PTPRD: variants seen among roughly 807,000 people sequenced by gnomAD.
The protein encoded by PTPRD is receptor-type tyrosine-protein phosphatase delta.
Under a neutral mutation model 214.5 loss-of-function variants are expected in PTPRD, and 34 were observed. The ratio of observed to expected loss-of-function variants is 0.16; its 90% confidence interval spans 0.12 to 0.21. The LOEUF (loss-of-function observed/expected upper bound fraction) is 0.21, where lower values mean the gene tolerates loss of function less well. Ranked by LOEUF, PTPRD falls within the 10% of genes least tolerant of loss-of-function variation. PTPRD has a pLI of 1.00. For synonymous variants in PTPRD, 1,128 were observed against 845.7 expected, an observed-to-expected ratio of 1.33 and a Z score of -5.79; for missense variants, 2,545 against 2,398.7, an observed-to-expected ratio of 1.06 and a Z score of -1.27.
chr9:8,720,844 T>C (rs1351204164), intron 12 of PTPRD, among the ~76,000 whole-genome samples: 1 of 152,116 alleles, frequency 6.6e-6, no homozygotes, highest in Non-Finnish European at 1.5e-5. Flanking sequence ...ACAATGAACC[T>C]GGATAACTCT....
chr9:8,438,265 A>C (rs1285942464), intron 34 of PTPRD, among the ~76,000 whole-genome samples: 1 of 152,210 alleles, frequency 6.6e-6, no homozygotes, highest in East Asian at 1.9e-4. Flanking sequence ...AAGTTAAGTA[A>C]AAAGCTACCC....
At chr9:8,520,099 C>G (rs2097858859) in intron 20 of PTPRD, among the ~76,000 whole-genome samples, 1 of 152,164 alleles carries the variant, frequency 6.6e-6, no homozygotes, top group Non-Finnish European at 1.5e-5. Flanking sequence ...ACATGTCTTT[C>G]TGAACTTTCA....
At chr9:8,686,523 A>G (rs1168922742) in intron 12 of PTPRD, among the ~76,000 whole-genome samples, 1 of 152,192 alleles carries the variant, frequency 6.6e-6, no homozygotes. Flanking sequence ...ATAATAATAT[A>G]CATTGTCACA....
At chr9:8,530,869 G>A (rs1418386903) in intron 14 of PTPRD, among the ~76,000 whole-genome samples, 1 of 152,008 alleles carries the variant, frequency 6.6e-6, no homozygotes, top group East Asian at 1.9e-4. Flanking sequence ...GGACTATTAA[G>A]GAAAAGCGTA....
chr9:10,195,098 ATTTTT>A (rs34900305), intron 3 of PTPRD, among the ~76,000 whole-genome samples: 10 of 97,916 alleles, frequency 1.0e-4, no homozygotes, highest in African/African-American at 4.0e-4. Flanking sequence ...ATACCCGGCT[ATTTTT>A]TTTTTTTTTT....
intron 32 of PTPRD, among the ~76,000 whole-genome samples, chr9:8,461,341 A>T (rs959564396): frequency 2.0e-5 from 3 of 152,136 alleles, no homozygotes; most frequent in African/African-American, 7.2e-5. Context: ...TCAATAGACA[A>T]CTGATAATAT....
At chr9:10,264,485 C>T (rs1467158967) in intron 3 of PTPRD, among the ~76,000 whole-genome samples, 2 of 152,098 alleles carry the variant, frequency 1.3e-5, no homozygotes, top group African/African-American at 2.4e-5. Context: ...ATTTGACTGC[C>T]CTGCTGGATT....
At chr9:8,747,981 T>A (rs1049565250) in intron 11 of PTPRD, among the ~76,000 whole-genome samples, 1 of 152,170 alleles carries the variant, frequency 6.6e-6, no homozygotes, top group Non-Finnish European at 1.5e-5. Context: ...GTTCTTCAAA[T>A]GGAGCCACAG....
At chr9:10,024,190 T>A (rs550808309) in intron 4 of PTPRD, among the ~76,000 whole-genome samples, 1 of 152,186 alleles carries the variant, frequency 6.6e-6, no homozygotes, top group Non-Finnish European at 1.5e-5. Context: ...AGCATTTTTA[T>A]CCTTGTTGGT....
Position 8,494,039 on chromosome 9 carries a change from C to CACAG in PTPRD, c.2350-1061_2350-1060insCTGT, listed in dbSNP as rs1554636978. 2.6e-3 allele frequency among the ~76,000 whole-genome samples: 385 copies of CACAG among 150,374 alleles called. 3 individuals are homozygous for CACAG. Among genetic ancestry groups the CACAG allele is most frequent in the Admixed American group, 5.0e-3 (75 of 15,114 alleles). On this transcript the variant is annotated intron_variant, in intron 26 of 45. Coordinates refer to ENST00000381196, the MANE Select transcript of PTPRD (RefSeq NM_002839.4). Reference sequence around the variant, plus strand: ...ACACACACACACACACACACACACACAGCAATATAAAAACCCTTTCAGATT... The same window carrying CACAG: ...ACACACACACACACACACACACACACACAGAGCAATATAAAAACCCTTTCAGATT...
chr9:9,934,653 A>T (rs1239447463), intron 5 of PTPRD, among the ~76,000 whole-genome samples: 1 of 151,052 alleles, frequency 6.6e-6, no homozygotes, highest in African/African-American at 2.5e-5. Context: ...AGGTACAAGG[A>T]GGAACTGGTA....
intron 8 of PTPRD, among the ~76,000 whole-genome samples, chr9:9,526,036 G>C (rs1330468962): frequency 3.3e-5 from 5 of 152,132 alleles, no homozygotes; most frequent in Non-Finnish European, 5.9e-5. Flanking sequence ...TCTTCAGGTA[G>C]ATACGCATAC....
intron 9 of PTPRD, among the ~76,000 whole-genome samples, chr9:9,281,124 A>G (rs921865569): frequency 6.6e-6 from 1 of 151,308 alleles, no homozygotes; most frequent in Admixed American, 6.6e-5. Context: ...GCAAACATAG[A>G]CCTAAAATTA....
intron 7 of PTPRD, among the ~76,000 whole-genome samples, chr9:9,592,526 T>G (rs2092836699): frequency 6.6e-6 from 1 of 151,912 alleles, no homozygotes; most frequent in South Asian, 2.1e-4. Flanking sequence ...AAACAGGAAA[T>G]TATTTAATTT....
At chr9:8,641,031 C>G (rs1294124827) in intron 12 of PTPRD, among the ~76,000 whole-genome samples, 2 of 148,182 alleles carry the variant, frequency 1.3e-5, no homozygotes, top group South Asian at 4.2e-4. Context: ...AATCTTTATT[C>G]TCAGAGGGAT....
In PTPRD at chr9:9,971,543, A is replaced by G. The variant is rs571712327; in HGVS notation, c.-471-32933T>C. Among the ~76,000 whole-genome samples the G allele has an allele frequency of 4.6e-5, 7 of 152,360 alleles. No homozygotes were observed. In the East Asian group the frequency reaches 1.3e-3, roughly 29 times the overall value. On this transcript the variant is annotated intron_variant, in intron 4 of 45. Transcript: ENST00000381196. ...TCTCAACTCTGAGGAATTCAGGCTT[A>G]GAAACTAATGAGTTAGATTATGGCA...
At chr9:8,943,922 C>T (rs2099048660) in intron 11 of PTPRD, among the ~76,000 whole-genome samples, 1 of 151,916 alleles carries the variant, frequency 6.6e-6, no homozygotes, top group African/African-American at 2.4e-5. Context: ...CATTAAAAAG[C>T]TTCTGCACAG....
chr9:9,413,915 G>T (rs534860683), intron 8 of PTPRD, among the ~76,000 whole-genome samples: 1 of 152,162 alleles, frequency 6.6e-6, no homozygotes, highest in African/African-American at 2.4e-5. Flanking sequence ...ACTGATACCA[G>T]TCCAATTTTG....
In PTPRD at chr9:8,451,508, G is replaced by T. The variant is rs146736270; in HGVS notation, c.3876-1671C>A. On this transcript the variant is annotated intron_variant, in intron 33 of 45. Coordinates refer to ENST00000381196, the MANE Select transcript of PTPRD (RefSeq NM_002839.4). ...AAAAGACAGGCTCATAAGACCATGC[G>T]AAAGGAGGACATGATGGCCAGTTTC... is the stretch of plus-strand genomic sequence containing the variant. Among the ~76,000 whole-genome samples, 3 of 152,264 alleles carry T rather than the reference G, an allele frequency of 2.0e-5. No homozygotes were observed. The East Asian group carries it at 5.8e-4, about 29-fold the overall frequency.
Sources: gnomAD v4.1 joint callset for allele counts (sites outside exome capture counted in the v4.1 genomes callset) on GRCh38, gnomAD v4.1.1 for gene constraint, MANE v1.5 for transcripts, NCBI Gene and HGNC (gene_info 2026-07-23, HGNC 2026-07-21) for gene names.